The following TSHZ3 variants were observed in gnomAD, a reference collection of about 807,000 sequenced individuals.
TSHZ3 encodes the protein teashirt homolog 3.
A neutral mutation model predicts 64.5 loss-of-function variants in TSHZ3; 10 were observed. That is an observed-to-expected ratio of 0.16 (90% CI 0.10 to 0.26). The LOEUF is 0.26. Among genes scored for constraint, TSHZ3 ranks in the 10% least tolerant of loss-of-function variants. The probability of loss-of-function intolerance (pLI) is 1.00; values close to 1 mark genes in which losing one functional copy is unlikely to be tolerated. For synonymous variants in TSHZ3, 608 were observed against 593.1 expected (o/e 1.03, Z -0.36); for missense variants, 1,242 against 1,421.7 (o/e 0.87, Z 2.03).
At chr19:31,293,062 TATCC>T (rs944565494) in intron 1 of TSHZ3, among the ~76,000 whole-genome samples, 1 of 130,984 alleles carries the variant, frequency 7.6e-6, no homozygotes, top group Non-Finnish European at 1.8e-5. Flanking sequence ...TCCAAAAATG[TATCC>T]ATCCATCCAA....
At chr19:31,162,966 C>A (rs1421889101) in intron 5 of TSHZ3, among the ~76,000 whole-genome samples, 1 of 152,138 alleles carries the variant, frequency 6.6e-6, no homozygotes, top group Non-Finnish European at 1.5e-5. Context: ...CACACAGCAG[C>A]CAATAAGCTA....
At chr19:31,304,342 G>A (rs1431026524) in intron 1 of TSHZ3, among the ~76,000 whole-genome samples, 2 of 152,104 alleles carry the variant, frequency 1.3e-5, no homozygotes, top group African/African-American at 4.8e-5. Flanking sequence ...AGGGGACTGG[G>A]CAAGCAGGGC....
intron 1 of TSHZ3, among the ~76,000 whole-genome samples, chr19:31,292,897 C>T (rs1293229065): frequency 6.6e-6 from 1 of 151,592 alleles, no homozygotes; most frequent in African/African-American, 2.4e-5. Context: ...AAAAACTCAT[C>T]CATCCATCCA....
chr19:31,323,477 C>G (rs564242756), intron 1 of TSHZ3, among the ~76,000 whole-genome samples: 1 of 152,214 alleles, frequency 6.6e-6, no homozygotes, highest in Non-Finnish European at 1.5e-5. Context: ...AAAGACAAAG[C>G]ATAATTCTAT....
chr19:31,172,408 C>G (rs1974547918), intron 5 of TSHZ3, among the ~76,000 whole-genome samples: 1 of 152,172 alleles, frequency 6.6e-6, no homozygotes, highest in Non-Finnish European at 1.5e-5. Flanking sequence ...ATGGTGGTGG[C>G]AGCAGTACAA....
At chr19:31,307,697 T>C (rs1442123654) in intron 1 of TSHZ3, among the ~76,000 whole-genome samples, 1 of 152,212 alleles carries the variant, frequency 6.6e-6, no homozygotes, top group Non-Finnish European at 1.5e-5. Flanking sequence ...TACACAATTT[T>C]AGCACTGACG....
At chr19:31,190,965 G>T (rs1490551189) in intron 5 of TSHZ3, among the ~76,000 whole-genome samples, 1 of 152,068 alleles carries the variant, frequency 6.6e-6, no homozygotes, top group East Asian at 1.9e-4. Flanking sequence ...TGTGGTAGAA[G>T]GCCAGTAAAT....
At chr19:31,216,271 A>G (rs905886612) in intron 4 of TSHZ3, among the ~76,000 whole-genome samples, 7 of 152,178 alleles carry the variant, frequency 4.6e-5, no homozygotes, top group African/African-American at 1.7e-4. Flanking sequence ...AGCCCCCACC[A>G]TGTCTCAAGC....
chr19:31,297,410 C>G (rs180877013), intron 1 of TSHZ3, among the ~76,000 whole-genome samples: 86 of 131,470 alleles, frequency 6.5e-4, no homozygotes, highest in Non-Finnish European at 5.9e-4. Flanking sequence ...GTAGCTTATT[C>G]CCTTCCTGTC....
At chr19:31,187,064 T>C (rs1017683238) in intron 5 of TSHZ3, among the ~76,000 whole-genome samples, 1 of 152,144 alleles carries the variant, frequency 6.6e-6, no homozygotes, top group Non-Finnish European at 1.5e-5. Flanking sequence ...ACACTTCTCT[T>C]ACTTTTAACA....
At chr19:31,187,194 C>G (rs1406941588) in intron 5 of TSHZ3, among the ~76,000 whole-genome samples, 1 of 152,122 alleles carries the variant, frequency 6.6e-6, no homozygotes. Flanking sequence ...AACTAGTGAT[C>G]TGTTCTCTAT....
At chr19:31,320,772 C>T (rs1010966193) in intron 1 of TSHZ3, among the ~76,000 whole-genome samples, 1 of 152,236 alleles carries the variant, frequency 6.6e-6, no homozygotes, top group African/African-American at 2.4e-5. Flanking sequence ...GTCTCCTTGG[C>T]TCTTGGTCCC....
intron 1 of TSHZ3, among the ~76,000 whole-genome samples, chr19:31,332,264 A>T (rs1185846966): frequency 6.6e-6 from 1 of 152,192 alleles, no homozygotes; most frequent in Non-Finnish European, 1.5e-5. Context: ...GACACAACCC[A>T]GAATGCGGCT....
chr19:31,345,552 C>A (rs1047127596), intron 1 of TSHZ3, among the ~76,000 whole-genome samples: 1 of 152,208 alleles, frequency 6.6e-6, no homozygotes, highest in Non-Finnish European at 1.5e-5. Context: ...GTCACTTTCA[C>A]AAAAGTCAAG....
intron 5 of TSHZ3, among the ~76,000 whole-genome samples, chr19:31,157,766 A>G (rs1193757961): frequency 6.6e-6 from 1 of 152,240 alleles, no homozygotes; most frequent in Non-Finnish European, 1.5e-5. Context: ...GCTGAAGGGA[A>G]TCAAAGTCTA....
chr19:31,321,220 G>A (rs1303329285), intron 1 of TSHZ3, among the ~76,000 whole-genome samples: 1 of 152,154 alleles, frequency 6.6e-6, no homozygotes, highest in Non-Finnish European at 1.5e-5. Context: ...TGAACCTGAT[G>A]AATCAATCAT....
At chr19:31,322,606 G>T (rs1916804793) in intron 1 of TSHZ3, among the ~76,000 whole-genome samples, 1 of 151,840 alleles carries the variant, frequency 6.6e-6, no homozygotes, top group Non-Finnish European at 1.5e-5. Context: ...GTTTTGTAGA[G>T]ACCAGGTCTC....
At chr19:31,168,562 T>C (rs552813988) in intron 5 of TSHZ3, among the ~76,000 whole-genome samples, 3 of 152,264 alleles carry the variant, frequency 2.0e-5, no homozygotes, top group African/African-American at 4.8e-5. Context: ...CACCATAGGC[T>C]CTGAAGATTG....
chr19:31,213,356 CAAAAAAAAAAAAAAAAA>C (rs35192337), intron 4 of TSHZ3, among the ~76,000 whole-genome samples: 967 of 23,336 alleles, frequency 0.041, 21 homozygotes, highest in Middle Eastern at 0.12. Flanking sequence ...GACTCTGTCT[CAAAAAAAAAAAAAAAAA>C]AAAAAAAAAA....
Sources: gnomAD v4.1 joint callset for allele counts (sites outside exome capture counted in the v4.1 genomes callset) on GRCh38, gnomAD v4.1.1 for gene constraint, MANE v1.5 for transcripts, NCBI Gene and HGNC (gene_info 2026-07-23, HGNC 2026-07-21) for gene names.